LINGO2: variants seen among roughly 807,000 people sequenced by gnomAD.
LINGO2 encodes the protein leucine rich repeat and Ig domain containing 2.
In LINGO2, 14 loss-of-function variants were observed where a neutral mutation model predicts 30.6. The observed-to-expected ratio is 0.46, with a 90% CI of 0.30 to 0.72. LINGO2 has a LOEUF of 0.72. LINGO2 is among the 30% of genes least tolerant of loss of function. The probability of loss-of-function intolerance (pLI) is 0.07; values close to 1 mark genes in which losing one functional copy is unlikely to be tolerated. For missense variants in LINGO2, 729 were observed against 751.7 expected (o/e 0.97, Z 0.35); for synonymous variants, 317 against 288.5 (o/e 1.10, Z -1.00).
At chr9:27,981,973 C>A (rs1253567040) in intron 5 of LINGO2, among the ~76,000 whole-genome samples, 1 of 151,810 alleles carries the variant, frequency 6.6e-6, no homozygotes, top group African/African-American at 2.4e-5. Flanking sequence ...GCCACACCGT[C>A]TGATTCTATA....
At chr9:29,137,239 TCC>T in the LINGO2 span, among the ~76,000 whole-genome samples, 2 of 152,116 alleles carry the variant, frequency 1.3e-5, no homozygotes, top group Admixed American at 1.3e-4. Context: ...TAGGGACTTT[TCC>T]CCTTTGGAAC....
chr9:28,175,481 C>T (rs1222120013), intron 4 of LINGO2, among the ~76,000 whole-genome samples: 3 of 152,092 alleles, frequency 2.0e-5, no homozygotes, highest in East Asian at 3.9e-4. Flanking sequence ...TTTACCTCTT[C>T]GTGATTCAGA....
At chr9:29,206,082 T>C in the LINGO2 span, among the ~76,000 whole-genome samples, 1 of 152,218 alleles carries the variant, frequency 6.6e-6, no homozygotes. Flanking sequence ...CTGATGAACA[T>C]TTTCCATAGT....
the LINGO2 span, among the ~76,000 whole-genome samples, chr9:29,048,134 A>G: frequency 6.6e-6 from 1 of 151,826 alleles, no homozygotes; most frequent in African/African-American, 2.4e-5. Context: ...ATAAAAATAA[A>G]ATAAAATAAA....
chr9:28,119,662 C>A (rs17698657), intron 4 of LINGO2, among the ~76,000 whole-genome samples: 11,466 of 152,200 alleles, frequency 0.075, 579 homozygotes, highest in Middle Eastern at 0.13. Context: ...GTAAGTTACT[C>A]CCCTCTCCAG....
the LINGO2 span, among the ~76,000 whole-genome samples, chr9:28,695,107 C>T: frequency 1.2e-3 from 181 of 151,840 alleles, 1 homozygote; most frequent in African/African-American, 4.2e-3. Context: ...AACAAGAAAA[C>T]ATTTCAATTT....
chr9:28,824,486 C>T, the LINGO2 span, among the ~76,000 whole-genome samples: 1 of 152,182 alleles, frequency 6.6e-6, no homozygotes, highest in East Asian at 1.9e-4. Flanking sequence ...GAGTTTTGTA[C>T]CAGAGCACAT....
At chr9:28,444,340 C>G (rs950511779) in intron 2 of LINGO2, among the ~76,000 whole-genome samples, 2 of 152,184 alleles carry the variant, frequency 1.3e-5, no homozygotes, top group East Asian at 3.9e-4. Context: ...ACACTATAGC[C>G]CTCCTGTTCT....
the LINGO2 span, among the ~76,000 whole-genome samples, chr9:28,763,486 A>G: frequency 6.6e-6 from 1 of 151,996 alleles, no homozygotes; most frequent in Admixed American, 6.5e-5. Flanking sequence ...ATATCTCAAG[A>G]CAAACAAACA....
chr9:28,218,130 T>A (rs766430938), intron 4 of LINGO2, among the ~76,000 whole-genome samples: 1 of 148,678 alleles, frequency 6.7e-6, no homozygotes, highest in East Asian at 1.9e-4. Context: ...ATATTATAAA[T>A]ATATATAATT....
At chr9:27,991,660 C>T (rs1357399579) in intron 5 of LINGO2, among the ~76,000 whole-genome samples, 1 of 152,052 alleles carries the variant, frequency 6.6e-6, no homozygotes, top group Non-Finnish European at 1.5e-5. Flanking sequence ...ATCATGCAAA[C>T]ATAGGGACCG....
intron 4 of LINGO2, among the ~76,000 whole-genome samples, chr9:28,033,882 T>C (rs575669655): frequency 6.6e-6 from 1 of 152,220 alleles, no homozygotes; most frequent in Non-Finnish European, 1.5e-5. Flanking sequence ...AACAAGGATT[T>C]CCCATCCCCC....
At chr9:28,285,868 C>T (rs1257379989) in intron 4 of LINGO2, among the ~76,000 whole-genome samples, 2 of 152,094 alleles carry the variant, frequency 1.3e-5, no homozygotes, top group African/African-American at 4.8e-5. Context: ...ATAAATTCTA[C>T]CCAGTAGTAC....
At chr9:28,688,480 G>T in the LINGO2 span, among the ~76,000 whole-genome samples, 57,019 of 151,838 alleles carry the variant, frequency 0.38, 11,936 homozygotes, top group African/African-American at 0.54. Flanking sequence ...CCTCATGCTG[G>T]CAATGTTATC....
At chr9:28,898,837 G>C in the LINGO2 span, among the ~76,000 whole-genome samples, 1 of 151,954 alleles carries the variant, frequency 6.6e-6, no homozygotes, top group Non-Finnish European at 1.5e-5. Context: ...TTAGTGTCTG[G>C]TAATAAAATA....
intron 4 of LINGO2, among the ~76,000 whole-genome samples, chr9:28,035,893 AACAC>A (rs111851787): frequency 0.1 from 15,026 of 149,254 alleles, 912 homozygotes; most frequent in South Asian, 0.25. Context: ...CACACACACA[AACAC>A]ACACACACAC....
chr9:28,869,552 G>C, the LINGO2 span, among the ~76,000 whole-genome samples: 1 of 151,988 alleles, frequency 6.6e-6, no homozygotes, highest in African/African-American at 2.4e-5. Flanking sequence ...ATGTATGACA[G>C]AGAAATAGCA....
At chr9:28,159,394 T>A (rs1022873851) in intron 4 of LINGO2, among the ~76,000 whole-genome samples, 3 of 152,118 alleles carry the variant, frequency 2.0e-5, no homozygotes, top group African/African-American at 7.2e-5. Flanking sequence ...CAGCTTTTAT[T>A]TTTTCTCTTT....
chr9:28,619,125 A>T (rs1826277828), intron 1 of LINGO2, among the ~76,000 whole-genome samples: 1 of 152,170 alleles, frequency 6.6e-6, no homozygotes, highest in Non-Finnish European at 1.5e-5. Context: ...TTCCAGTGGA[A>T]ATTATTAAAA....
Sources: gnomAD v4.1 joint callset for allele counts (sites outside exome capture counted in the v4.1 genomes callset) on GRCh38, gnomAD v4.1.1 for gene constraint, MANE v1.5 for transcripts, NCBI Gene and HGNC (gene_info 2026-07-23, HGNC 2026-07-21) for gene names.